TSPAN2: variants seen among roughly 807,000 people sequenced by gnomAD.
The protein encoded by TSPAN2 is tetraspanin-2.
A neutral mutation model predicts 33.3 loss-of-function variants in TSPAN2; 24 were observed. That is an observed-to-expected ratio of 0.72 (90% CI 0.52 to 1.01). The LOEUF (loss-of-function observed/expected upper bound fraction) is 1.01, where lower values mean the gene tolerates loss of function less well. TSPAN2 is among the 50% of genes least tolerant of loss of function. TSPAN2 has a pLI of 0.00. For synonymous variants in TSPAN2, 114 were observed against 104.5 expected (o/e 1.09, Z -0.56); for missense variants, 278 against 281.3 (o/e 0.99, Z 0.08).
rs769108786 is a variant in TSPAN2, at chr1:115,053,402, C to T, written c.577G>A (p.Gly193Ser). The T allele has an allele frequency of 1.2e-5, 19 of 1,613,912 alleles. No individual in the cohort carries two copies. Among genetic ancestry groups the T allele is most frequent in the Middle Eastern group, 1.6e-4 (1 of 6,062 alleles). The change falls in exon 7 of 8, where the codon GGT becomes AGT. Residue 193 changes from glycine to serine, a missense_variant. Coordinates refer to ENST00000369516, the MANE Select transcript of TSPAN2 (RefSeq NM_005725.6). Reference sequence around the variant, plus strand: ...ACCGTCAGACCTGCAATTCCAATACCGACAATTCCAATGAGCTGGAGCTTA... The same window carrying T: ...ACCGTCAGACCTGCAATTCCAATACTGACAATTCCAATGAGCTGGAGCTTA... Reference protein sequence around the residue: ...SVKLQLIGIVGIGIAGLTIFG... With the variant: ...SVKLQLIGIVSIGIAGLTIFG...
intron 1 of TSPAN2, among the ~76,000 whole-genome samples, chr1:115,074,905 C>T (rs2101041483): frequency 6.6e-6 from 1 of 152,176 alleles, no homozygotes; most frequent in South Asian, 2.1e-4. Flanking sequence ...CTGCCTGGGA[C>T]AAGTCTGCCC....
At chr1:115,059,683 A>G (rs146653803) in intron 4 of TSPAN2, among the ~76,000 whole-genome samples, 72 of 152,384 alleles carry the variant, frequency 4.7e-4, no homozygotes, top group African/African-American at 1.7e-3. Flanking sequence ...AAATCCACAG[A>G]TATCTCAACA....
At chr1:115,063,205 G>T (rs1319363684) in intron 2 of TSPAN2, among the ~76,000 whole-genome samples, 4 of 152,126 alleles carry the variant, frequency 2.6e-5, no homozygotes, top group African/African-American at 9.7e-5. Context: ...GAATCTGTAA[G>T]GAACTTAAAC....
chr1:115,088,124 A>AG (rs1334558530), intron 1 of TSPAN2, among the ~76,000 whole-genome samples: 3 of 152,208 alleles, frequency 2.0e-5, no homozygotes, highest in Admixed American at 6.5e-5. Flanking sequence ...GTCTCTTTAA[A>AG]GTTCAGGGGA....
chr1:115,065,359 C>A (rs1570972683), intron 2 of TSPAN2, among the ~76,000 whole-genome samples: 1 of 152,194 alleles, frequency 6.6e-6, no homozygotes, highest in East Asian at 1.9e-4. Flanking sequence ...ATTTTAAATT[C>A]CAAGATGGTT....
chr1:115,060,771 T>C (rs1280407429), intron 3 of TSPAN2, among the ~76,000 whole-genome samples: 1 of 152,132 alleles, frequency 6.6e-6, no homozygotes, highest in Non-Finnish European at 1.5e-5. Context: ...TCACGGACCT[T>C]GGATTGGACA....
rs202132434 is a variant in TSPAN2 at position 115,079,137 on chromosome 1, C to CCACACACACACACACA, written c.70-6146_70-6131dup. Among the ~76,000 whole-genome samples, 192 of 146,796 alleles carry CCACACACACACACACA rather than the reference C, an allele frequency of 1.3e-3. 1 individual carries two copies. The highest frequency in any genetic ancestry group is 4.5e-3 in the African/African-American group (179 of 39,642). Reference sequence around the variant, plus strand: ...ATATGAACACAATACAATTATAGCGCCACACACACACACACACACACACAC... The same window carrying CCACACACACACACACA: ...ATATGAACACAATACAATTATAGCGCCACACACACACACACACACACACACACACACACACACACAC... On this transcript the variant is annotated intron_variant, in intron 1 of 7. Transcript: ENST00000369516.
intron 1 of TSPAN2, among the ~76,000 whole-genome samples, chr1:115,085,149 G>A (rs1648786664): frequency 6.6e-6 from 1 of 152,204 alleles, no homozygotes. Flanking sequence ...TCAATGAAAG[G>A]CACAGGAATA....
intron 1 of TSPAN2, among the ~76,000 whole-genome samples, chr1:115,083,551 T>TCAAAG (rs1648713838): frequency 2.0e-5 from 3 of 152,174 alleles, no homozygotes; most frequent in African/African-American, 7.2e-5. Flanking sequence ...ACAGGGGTTC[T>TCAAAG]CAAAGCATGT....
intron 4 of TSPAN2, among the ~76,000 whole-genome samples, chr1:115,059,444 A>G (rs912166250): frequency 5.3e-5 from 8 of 152,222 alleles, no homozygotes; most frequent in African/African-American, 1.4e-4. Flanking sequence ...CCCAAGCCCA[A>G]CTGGGCTTCA....
At position 115,057,562 on chromosome 1, in the gene TSPAN2, C is replaced by T; in HGVS notation, c.491G>A (p.Cys164Tyr). 6.2e-7 allele frequency: 1 copy of T among 1,614,096 alleles called. No homozygotes were observed. Residue 164 changes from cysteine to tyrosine, a missense_variant, in exon 6 of 8, where the codon TGC (cysteine) becomes TAC (tyrosine). Coordinates refer to ENST00000369516, the MANE Select transcript of TSPAN2 (RefSeq NM_005725.6). Reference sequence around the variant, plus strand: ...CTTGTGTCCTAGAAGCTCCTTTGGGCATGTAGGTTGGACCTGTTCGGAGCT... The same window carrying T: ...CTTGTGTCCTAGAAGCTCCTTTGGGTATGTAGGTTGGACCTGTTCGGAGCT... Reference protein sequence around the residue: ...KESSEQVQPTCPKELLGHKNC... With the variant: ...KESSEQVQPTYPKELLGHKNC...
At position 115,050,592 on chromosome 1, in the gene TSPAN2, C is replaced by T. The variant is rs199767677; in HGVS notation, c.601-37G>A. On this transcript the variant is annotated intron_variant, in intron 7 of 7. Transcript: ENST00000369516. ...GAAACACTCATCAGTGACTTTGAAA[C>T]GGGTACTGATAGGTAAAAAGTTCAG... 4,609 of 1,586,868 alleles carry T rather than the reference C, an allele frequency of 2.9e-3. 14 individuals carry two copies. The highest frequency in any genetic ancestry group is 3.4e-3 in the Non-Finnish European group (3,961 of 1,156,104).
At chr1:115,055,918 A>G (rs866293414) in intron 6 of TSPAN2, among the ~76,000 whole-genome samples, 9 of 152,340 alleles carry the variant, frequency 5.9e-5, no homozygotes, top group Non-Finnish European at 1.0e-4. Flanking sequence ...GTTCTTATGA[A>G]TAACATGTAA....
intron 2 of TSPAN2, among the ~76,000 whole-genome samples, chr1:115,062,624 G>T (rs1394126795): frequency 6.6e-6 from 1 of 152,184 alleles, no homozygotes; most frequent in Non-Finnish European, 1.5e-5. Context: ...CTAAAGCCAA[G>T]CCTTTTTGTA....
chr1:115,085,117 C>T (rs1281987069), intron 1 of TSPAN2, among the ~76,000 whole-genome samples: 7 of 150,894 alleles, frequency 4.6e-5, no homozygotes, highest in African/African-American at 7.3e-5. Context: ...TGCTATGCAA[C>T]GTAGGAAAAA....
At chr1:115,070,716 T>G (rs1232566523) in intron 2 of TSPAN2, among the ~76,000 whole-genome samples, 3 of 152,162 alleles carry the variant, frequency 2.0e-5, no homozygotes, top group African/African-American at 4.8e-5. Context: ...AGCCTGGTCT[T>G]TAAAACCTAA....
At chr1:115,056,051 A>C (rs1351642399) in intron 6 of TSPAN2, among the ~76,000 whole-genome samples, 1 of 152,202 alleles carries the variant, frequency 6.6e-6, no homozygotes, top group African/African-American at 2.4e-5. Flanking sequence ...AGTCTTACAT[A>C]GTCATACTGA....
At chr1:115,082,901 C>T (rs952770176) in intron 1 of TSPAN2, among the ~76,000 whole-genome samples, 19 of 152,218 alleles carry the variant, frequency 1.2e-4, no homozygotes, top group African/African-American at 4.6e-4. Context: ...CTGTGCCTGA[C>T]TTTCAGCTTT....
chr1:115,052,040 G>A (rs1377048662), intron 7 of TSPAN2, among the ~76,000 whole-genome samples: 1 of 152,170 alleles, frequency 6.6e-6, no homozygotes, highest in African/African-American at 2.4e-5. Flanking sequence ...AGGGGTGAAT[G>A]CTTCTAGGCT....
Sources: allele counts gnomAD v4.1 joint callset (sites outside exome capture counted in the v4.1 genomes callset), GRCh38; gene constraint gnomAD v4.1.1; transcripts MANE v1.5; gene names NCBI Gene and HGNC (gene_info 2026-07-23, HGNC 2026-07-21).